LPIN1: variants seen among roughly 807,000 people sequenced by gnomAD.
LPIN1 encodes phosphatidate phosphatase LPIN1.
Under a neutral mutation model 107.5 loss-of-function variants are expected in LPIN1, and 71 were observed. That is an observed-to-expected ratio of 0.66 (90% CI 0.55 to 0.80). The LOEUF is 0.80. LPIN1 is among the 30% of genes least tolerant of loss of function. The pLI is 0.00. For missense variants in LPIN1, 1,043 were observed against 1,160.6 expected, an observed-to-expected ratio of 0.90 and a Z score of 1.47; for synonymous variants, 445 against 452.6, an observed-to-expected ratio of 0.98 and a Z score of 0.21.
At chr2:11,783,435 G>A (rs539671577) in intron 8 of LPIN1, among the ~76,000 whole-genome samples, 13 of 152,310 alleles carry the variant, frequency 8.5e-5, no homozygotes, top group Non-Finnish European at 1.9e-4. Context: ...GACGGCCCTG[G>A]TTTGTGGACC....
intron 7 of LPIN1, among the ~76,000 whole-genome samples, chr2:11,781,530 T>C (rs907547233): frequency 6.6e-6 from 1 of 152,234 alleles, no homozygotes; most frequent in Admixed American, 6.5e-5. Context: ...TAACTGGAAA[T>C]CCCTCTGGCG....
intron 10 of LPIN1, among the ~76,000 whole-genome samples, chr2:11,785,827 A>AT (rs996824753): frequency 1.3e-5 from 2 of 151,914 alleles, no homozygotes; most frequent in African/African-American, 4.8e-5. Context: ...GGCTTTGGGA[A>AT]TTTTTTCTTC....
chr2:11,782,418 C>T lies in LPIN1; in HGVS notation c.1175C>T (p.Pro392Leu). The change falls in exon 8 of 21, where the codon CCA becomes CTA. Residue 392 changes from proline (P) to leucine (L), a missense_variant. By Grantham distance (98) the Pro-to-Leu change is moderately conservative (BLOSUM62 -3). Coordinates refer to ENST00000674199, the MANE Select transcript of LPIN1 (RefSeq NM_001349206.2). ...CTGGAGACCTTAGGAGCAGCAGCGCCACTCTTGCCCATGATCGAGGAGCTC... is the reference window on the plus strand; with the variant it reads ...CTGGAGACCTTAGGAGCAGCAGCGCTACTCTTGCCCATGATCGAGGAGCTC... ...EDLETLGAAA[P>L]LLPMIEELKP... 1 of 1,614,196 alleles carries T rather than the reference C, an allele frequency of 6.2e-7. No homozygotes were observed.
At chr2:11,720,784 G>A (rs1190037205), upstream of LPIN1, among the ~76,000 whole-genome samples, 5 of 152,004 alleles carry the variant, frequency 3.3e-5, no homozygotes, top group African/African-American at 1.2e-4. Context: ...GCAGAGTGAT[G>A]TGTGTCTTTC....
At chr2:11,678,587 C>T (rs1002204613) in intron 1 of LPIN1, among the ~76,000 whole-genome samples, 11 of 152,282 alleles carry the variant, frequency 7.2e-5, no homozygotes, top group East Asian at 5.8e-4. Context: ...GATAGAGTGG[C>T]GAGGCAGGCC....
intron 17 of LPIN1, among the ~76,000 whole-genome samples, chr2:11,814,034 T>C (rs1235346782): frequency 1.3e-5 from 2 of 151,954 alleles, no homozygotes; most frequent in East Asian, 3.9e-4. Flanking sequence ...GTGGGTGAGG[T>C]TCCCAGGTCC....
chr2:11,740,163 T>C (rs11895768), intron 1 of LPIN1, among the ~76,000 whole-genome samples: 2,788 of 152,182 alleles, frequency 0.018, 91 homozygotes, highest in African/African-American at 0.063. Context: ...AAGGAGGGTG[T>C]CCCAGCTTCA....
At chr2:11,762,729 G>A (rs1378562745) in intron 1 of LPIN1, among the ~76,000 whole-genome samples, 1 of 152,134 alleles carries the variant, frequency 6.6e-6, no homozygotes, top group African/African-American at 2.4e-5. Context: ...TTGGATCTGG[G>A]GATGAAGACC....
Position 11,771,065 on chromosome 2 carries a change from A to G in LPIN1, c.289-307A>G, listed in dbSNP as rs967543878. On this transcript the variant is annotated intron_variant, in intron 3 of 20. Transcript: ENST00000674199. The surrounding 1 kb of genome is among the most constrained non-coding windows in gnomAD (Gnocchi z 4.8). The stretch of plus-strand genomic sequence containing the variant: ...CATTTTTTTCCTCTGTGCTCTGGGT[A>G]TTACAGCCAAAGTTGAATTTTGGGG... Among the ~76,000 whole-genome samples the G allele has an allele frequency of 1.3e-5, 2 of 152,212 alleles. No individual in the cohort carries two copies. The highest frequency in any genetic ancestry group is 1.9e-4 in the East Asian group (1 of 5,200).
In LPIN1 at chr2:11,803,456, G is replaced by A. The variant is rs1013841995; in HGVS notation, c.2013+423G>A. ...TGTGATAGAATTTAGAGAATTTCAG[G>A]TAACCAGGGGCATCACCTGGTCATG... On this transcript the variant is annotated intron_variant, in intron 15 of 20. Transcript: ENST00000674199. This position sits in a 1 kb window ranked among gnomAD's most constrained non-coding sequence, Gnocchi z 4.2. 6.6e-6 allele frequency among the ~76,000 whole-genome samples: 1 copy of A among 152,202 alleles called. No homozygotes were observed.
chr2:11,778,146 C>CA (rs1339063015), intron 6 of LPIN1, among the ~76,000 whole-genome samples: 2 of 151,758 alleles, frequency 1.3e-5, no homozygotes, highest in African/African-American at 2.4e-5. Context: ...GTGGGGGGGC[C>CA]CACGTGCCTT....
chr2:11,789,621 C>G (rs1675343038), intron 12 of LPIN1, among the ~76,000 whole-genome samples: 1 of 152,078 alleles, frequency 6.6e-6, no homozygotes, highest in Non-Finnish European at 1.5e-5. Context: ...GCAGTCTCAT[C>G]CTGGGTGGTG....
At chr2:11,680,494 G>A (rs935801786) in intron 1 of LPIN1, among the ~76,000 whole-genome samples, 2 of 152,140 alleles carry the variant, frequency 1.3e-5, no homozygotes, top group African/African-American at 4.8e-5. Flanking sequence ...GGTGGAATGG[G>A]AATGGGTGGG....
intron 6 of LPIN1, among the ~76,000 whole-genome samples, chr2:11,779,288 C>T (rs1277190568): frequency 6.6e-6 from 1 of 152,168 alleles, no homozygotes; most frequent in East Asian, 1.9e-4. Context: ...TCCTCTCCCC[C>T]GCGGTGCACC....
Position 11,782,359 on chromosome 2 carries a change from T to G in LPIN1, c.1116T>G (p.Pro372=), listed in dbSNP as rs199584114. The G allele has an allele frequency of 8.7e-6, 14 of 1,614,194 alleles. No individual in the cohort carries two copies. In the East Asian group the frequency reaches 2.5e-4, roughly 28 times the overall value. Residue 372 remains proline, a synonymous_variant, in exon 8 of 21, where the codon CCT becomes CCG. Transcript: ENST00000674199. The stretch of plus-strand genomic sequence containing the variant: ...GGGCACTTTTGGACCAGAACAAGCC[T>G]CAGACAGAAATGCAGTTTGTGAATG... The part of the protein sequence containing the change: ...VGGALLDQNK[P]QTEMQFVNEE...
rs1315852073 is a variant in LPIN1 at position 11,697,507 on chromosome 2, G to C, written c.82-16249G>C. Among the ~76,000 whole-genome samples, 1 of 152,252 alleles carries C rather than the reference G, an allele frequency of 6.6e-6. No homozygotes were observed. Among genetic ancestry groups the C allele is most frequent in the African/African-American group, 2.4e-5 (1 of 41,468 alleles). On this transcript the variant is annotated intron_variant, in intron 1 of 21. Transcript: ENST00000449576. The surrounding 1 kb of genome is among the most constrained non-coding windows in gnomAD (Gnocchi z 4.6). ...GGAAGTCTGCCCGAATCTGTGCGTC[G>C]TGTCTTGGGAATTCATCCCTTCCTC...
chr2:11,744,466 G>T (rs1283151385), upstream of LPIN1, among the ~76,000 whole-genome samples: 1 of 152,172 alleles, frequency 6.6e-6, no homozygotes, highest in Admixed American at 6.5e-5. Context: ...GGCCTTCCCC[G>T]AGGTGGTAGG....
At chr2:11,759,173 CTTTCTTTCTTTCTTTCT>C (rs1270997158) in intron 1 of LPIN1, among the ~76,000 whole-genome samples, 155 of 145,548 alleles carry the variant, frequency 1.1e-3, no homozygotes, top group African/African-American at 3.8e-3. Context: ...TTCTTTCTTT[CTTTCTTTCTTTCTTTCT>C]TTTCTTTCTT....
In LPIN1 at chr2:11,691,084, G is replaced by GTT. The variant is rs59865645; in HGVS notation, c.81+13370_81+13371dup. Among the ~76,000 whole-genome samples the GTT allele has an allele frequency of 8.1e-3, 1,136 of 140,560 alleles. 37 individuals are homozygous for GTT. The highest frequency in any genetic ancestry group is 0.027 in the African/African-American group (1,009 of 37,182). The allele number at this position is 140,560 out of a possible 152,430, so 92.2% of individuals were successfully genotyped here. ...GAGTGGATTTAAAAATCTTGTTGTG[G>GTT]TTTTTTTTTTTTTTTCTCTCTCCTT... On this transcript the variant is annotated intron_variant, in intron 1 of 21. Coordinates refer to the LPIN1 transcript ENST00000449576.
Sources: allele counts gnomAD v4.1 joint callset (sites outside exome capture counted in the v4.1 genomes callset), GRCh38; gene constraint gnomAD v4.1.1; non-coding constraint Gnocchi (gnomAD v3.1); transcripts MANE v1.5; gene names NCBI Gene and HGNC (gene_info 2026-07-23, HGNC 2026-07-21).